Variants in CSNK2A1 observed in about 807,000 individuals in gnomAD.
CSNK2A1 encodes casein kinase 2 alpha 1.
A neutral mutation model predicts 62.9 loss-of-function variants in CSNK2A1; 10 were observed. The observed-to-expected ratio is 0.16, with a 90% confidence interval of 0.10 to 0.27. CSNK2A1 has a LOEUF of 0.27. Ranked by LOEUF, CSNK2A1 falls within the 10% of genes least tolerant of loss-of-function variation. The pLI is 1.00. For synonymous variants in CSNK2A1, 124 were observed against 167.8 expected (o/e 0.74, Z 2.02); for missense variants, 160 against 492.0 (o/e 0.33, Z 6.38).
intron 13 of CSNK2A1, 134 bp downstream of exon 13, chr20:486,242 C>A: frequency 3.3e-6 from 3 of 902,398 alleles, no homozygotes; most frequent in South Asian, 1.8e-5. Context: ...GTCAAGCATG[C>A]TGAAACCTGG....
At chr20:527,864 C>T (rs1434724178) in intron 2 of CSNK2A1, 69 bp downstream of exon 2, 1 of 152,136 alleles carries the variant, frequency 6.6e-6, no homozygotes, top group Non-Finnish European at 1.5e-5. Flanking sequence ...GCTCCTCAGT[C>T]TTACCTATAA....
intron 1 of CSNK2A1, among the ~76,000 whole-genome samples, chr20:540,412 A>G (rs2019425388): frequency 6.6e-6 from 1 of 152,236 alleles, no homozygotes; most frequent in African/African-American, 2.4e-5. Context: ...CAATTCTGCT[A>G]AACTTAGTTG....
intron 2 of CSNK2A1, among the ~76,000 whole-genome samples, chr20:525,832 C>T (rs1304994151): frequency 1.0e-5 from 1 of 99,126 alleles, no homozygotes; most frequent in South Asian, 3.4e-4. Flanking sequence ...TAACTTAAAA[C>T]TATTAAAAAA....
intron 2 of CSNK2A1, among the ~76,000 whole-genome samples, chr20:512,636 T>C (rs533387497): frequency 1.7e-4 from 26 of 152,288 alleles, no homozygotes; most frequent in African/African-American, 5.8e-4. Context: ...ACTCCAAATA[T>C]ATGAGATCAA....
chr20:538,243 G>A (rs890990389), intron 1 of CSNK2A1, among the ~76,000 whole-genome samples: 1 of 152,082 alleles, frequency 6.6e-6, no homozygotes, highest in Non-Finnish European at 1.5e-5. Flanking sequence ...CACCATGCCC[G>A]GCCAACAGTA....
intron 1 of CSNK2A1, among the ~76,000 whole-genome samples, chr20:542,413 T>C (rs1435088801): frequency 6.6e-6 from 1 of 152,210 alleles, no homozygotes; most frequent in East Asian, 1.9e-4. Context: ...CTCCAATTCT[T>C]GGAAAAATCT....
chr20:495,343 T>C, intron 8 of CSNK2A1: 2 of 194,736 alleles, frequency 1.0e-5, no homozygotes, highest in South Asian at 2.0e-4. Flanking sequence ...TGTGCACATT[T>C]AATTCTCACG....
At chr20:524,759 T>G (rs2019041057) in intron 2 of CSNK2A1, among the ~76,000 whole-genome samples, 1 of 150,440 alleles carries the variant, frequency 6.6e-6, no homozygotes, top group African/African-American at 2.4e-5. Context: ...GGGGTATATA[T>G]TATATACACG....
At chr20:535,006 C>G (rs1279211662) in intron 1 of CSNK2A1, among the ~76,000 whole-genome samples, 1 of 135,854 alleles carries the variant, frequency 7.4e-6, no homozygotes, top group Non-Finnish European at 1.5e-5. Context: ...TGCACTCCAG[C>G]CTGGCAACAG....
rs2018172227 is a variant in CSNK2A1 at position 489,526 on chromosome 20, T to G, written c.723+254A>C. 9 of 421,676 alleles carry G rather than the reference T, an allele frequency of 2.1e-5. No homozygotes were observed. In the Admixed American group the frequency reaches 2.7e-4, roughly 13 times the overall value. 26.1% of individuals were successfully genotyped at this position (421,676 alleles called of 1,614,324 possible). A position where few individuals can be genotyped will look rare whatever the true frequency, so the allele number is the denominator to read the frequency against. On this transcript the variant is annotated intron_variant, in intron 10 of 13. Transcript: ENST00000217244. ...TGGAGATAAGGGTTTATTAGGAGAATTCTAAGGTAATGTCCTATTTTAAAA... is the reference window on the plus strand; with the variant it reads ...TGGAGATAAGGGTTTATTAGGAGAAGTCTAAGGTAATGTCCTATTTTAAAA...
At chr20:513,781 C>T (rs947091747) in intron 2 of CSNK2A1, among the ~76,000 whole-genome samples, 9 of 152,132 alleles carry the variant, frequency 5.9e-5, no homozygotes, top group African/African-American at 2.2e-4. Context: ...AGCTTTGGGG[C>T]TCATCAACTG....
chr20:506,295 T>C (rs2018601308), intron 3 of CSNK2A1: 1 of 152,228 alleles, frequency 6.6e-6, no homozygotes, highest in Admixed American at 6.5e-5. Context: ...AGCAGCTGAT[T>C]TTTAACAGGC....
intron 3 of CSNK2A1, among the ~76,000 whole-genome samples, chr20:505,550 GGC>G (rs1248258158): frequency 7.3e-5 from 11 of 151,326 alleles, no homozygotes; most frequent in Admixed American, 6.6e-4. Flanking sequence ...TAGTAGAGAC[GGC>G]GGGTCCTCAC....
chr20:498,050 C>A (rs1157216147), intron 6 of CSNK2A1: 1 of 311,354 alleles, frequency 3.2e-6, no homozygotes, highest in Non-Finnish European at 6.0e-6. Flanking sequence ...TTAATATGCA[C>A]TGACACCCAC....
chr20:485,109 A>AATATACAT (rs2018062471), intron 13 of CSNK2A1, among the ~76,000 whole-genome samples: 1 of 24,666 alleles, frequency 4.1e-5, no homozygotes, highest in African/African-American at 1.4e-4. Flanking sequence ...AAAAAAAAAA[A>AATATACAT]ATATATATAT....
chr20:530,841 T>C (rs1191552821), intron 1 of CSNK2A1, among the ~76,000 whole-genome samples: 1 of 152,066 alleles, frequency 6.6e-6, no homozygotes, highest in Non-Finnish European at 1.5e-5. Context: ...CCCCACCAGT[T>C]TGGGAGGCTG....
chr20:522,830 T>C (rs537256244), intron 2 of CSNK2A1, among the ~76,000 whole-genome samples: 1 of 152,154 alleles, frequency 6.6e-6, no homozygotes, highest in East Asian at 1.9e-4. Context: ...CCCAGCCTCC[T>C]AAGTAGCTAG....
chr20:495,588 T>A (rs1286421599), intron 8 of CSNK2A1, 131 bp downstream of exon 8: 1 of 668,466 alleles, frequency 1.5e-6, no homozygotes, highest in Non-Finnish European at 2.6e-6. Context: ...AATTCGTACA[T>A]TCATTCACCA....
chr20:532,632 T>C (rs2019236845), intron 1 of CSNK2A1, among the ~76,000 whole-genome samples: 1 of 152,130 alleles, frequency 6.6e-6, no homozygotes, highest in African/African-American at 2.4e-5. Flanking sequence ...TCTCAACACA[T>C]CTGTAACGCA....
Sources: allele counts gnomAD v4.1 joint callset (sites outside exome capture counted in the v4.1 genomes callset), GRCh38; gene constraint gnomAD v4.1.1; transcripts MANE v1.5; gene names NCBI Gene and HGNC (gene_info 2026-07-23, HGNC 2026-07-21).